Variants in COPG2 observed in about 807,000 individuals in gnomAD.
COPG2 encodes the protein coat protein complex I subunit gamma 2.
Under a neutral mutation model 46.3 loss-of-function variants are expected in COPG2, and 37 were observed. The ratio of observed to expected loss-of-function variants is 0.80; its 90% CI spans 0.61 to 1.05. The LOEUF (loss-of-function observed/expected upper bound fraction) is 1.05. COPG2 is among the 50% of genes least tolerant of loss of function. The pLI is 0.00. For missense variants in COPG2, 427 were observed against 387.8 expected (o/e 1.10, Z -0.85); for synonymous variants, 159 against 129.7 (o/e 1.23, Z -1.53).
intron 9 of COPG2, among the ~76,000 whole-genome samples, chr7:130,601,866 A>AGAAG (rs1160335126): frequency 2.0e-5 from 3 of 148,232 alleles, no homozygotes; most frequent in Non-Finnish European, 4.5e-5. Context: ...AAGGAAGCAA[A>AGAAG]GAAGGAAGGA....
chr7:130,621,547 G>T (rs1285863345), intron 5 of COPG2, among the ~76,000 whole-genome samples: 2 of 152,142 alleles, frequency 1.3e-5, no homozygotes, highest in Non-Finnish European at 2.9e-5. Flanking sequence ...CGGTGCTCAC[G>T]CCTGTAATCC....
chr7:130,664,252 A>C (rs1796032685), intron 3 of COPG2, among the ~76,000 whole-genome samples: 2 of 152,232 alleles, frequency 1.3e-5, no homozygotes, highest in Non-Finnish European at 2.9e-5. Flanking sequence ...TCCACATAAA[A>C]TATAACTAGT....
chr7:130,634,214 G>A (rs75893432), intron 5 of COPG2, among the ~76,000 whole-genome samples: 2 of 152,160 alleles, frequency 1.3e-5, no homozygotes, highest in South Asian at 4.2e-4. Context: ...ATCTTTTTTG[G>A]TTCCATATGA....
At chr7:130,545,733 A>G (rs1793432144) in intron 20 of COPG2, among the ~76,000 whole-genome samples, 1 of 152,200 alleles carries the variant, frequency 6.6e-6, no homozygotes, top group Admixed American at 6.5e-5. Context: ...ACCATCAAGC[A>G]AAAGAGTCCA....
chr7:130,584,742 T>C lies in COPG2; in HGVS notation c.738-20349A>G, dbSNP rs527830731. On this transcript the variant is annotated intron_variant, in intron 9 of 23. Transcript: ENST00000425248. Reference sequence around the variant, plus strand: ...AAAAAAAATAAAATACTTAGGAATATATCTAACCAAGGAGGTGAAAGGCCT... The same window carrying C: ...AAAAAAAATAAAATACTTAGGAATACATCTAACCAAGGAGGTGAAAGGCCT... Among the ~76,000 whole-genome samples, 4 of 152,002 alleles carry C rather than the reference T, an allele frequency of 2.6e-5. No individual in the cohort carries two copies. In the East Asian group the frequency reaches 5.8e-4, roughly 22 times the overall value.
chr7:130,524,871 G>A (rs1383039628), intron 20 of COPG2, among the ~76,000 whole-genome samples: 1 of 152,248 alleles, frequency 6.6e-6, no homozygotes, highest in East Asian at 1.9e-4. Flanking sequence ...GACTGTGTCC[G>A]CCATGGTGGA....
At chr7:130,663,094 G>T in intron 3 of COPG2, 56 bp from the exon 4 acceptor site, 2 of 886,586 alleles carry the variant, frequency 2.3e-6, no homozygotes, top group Non-Finnish European at 3.4e-6. Context: ...TCATATATAT[G>T]TACATATACA....
chr7:130,559,035 T>G (rs1793675931), intron 12 of COPG2, among the ~76,000 whole-genome samples: 1 of 151,996 alleles, frequency 6.6e-6, no homozygotes, highest in African/African-American at 2.4e-5. Context: ...TCAAATAAAA[T>G]AAAAGGTTGG....
intron 15 of COPG2, 32 bp downstream of exon 15, chr7:130,552,323 T>C (rs1319934201): frequency 7.9e-6 from 3 of 381,954 alleles, no homozygotes; most frequent in Non-Finnish European, 1.4e-5. Flanking sequence ...AGAATTCTTA[T>C]TTTTTTTTAG....
At chr7:130,585,076 G>A (rs887367246) in intron 9 of COPG2, among the ~76,000 whole-genome samples, 57 of 152,034 alleles carry the variant, frequency 3.7e-4, no homozygotes, top group African/African-American at 1.3e-3. Context: ...ATACTATAAG[G>A]CCAGAGTCAC....
At chr7:130,525,672 GA>G (rs1402415463) in intron 20 of COPG2, among the ~76,000 whole-genome samples, 2 of 152,192 alleles carry the variant, frequency 1.3e-5, no homozygotes, top group Admixed American at 1.3e-4. Context: ...ACATAGAGAT[GA>G]AATAAAGTAG....
chr7:130,613,956 A>G (rs1563059833), intron 6 of COPG2, among the ~76,000 whole-genome samples: 1 of 152,242 alleles, frequency 6.6e-6, no homozygotes, highest in Non-Finnish European at 1.5e-5. Flanking sequence ...CAGGAAAGTC[A>G]TAAAGAAATT....
intron 9 of COPG2, among the ~76,000 whole-genome samples, chr7:130,583,725 A>C (rs1243695640): frequency 2.1e-5 from 3 of 143,616 alleles, no homozygotes; most frequent in Admixed American, 7.1e-5. Flanking sequence ...GAATCGCTTG[A>C]ATCCCTGGGA....
chr7:130,552,868 T>C (rs1793554217), intron 14 of COPG2, among the ~76,000 whole-genome samples: 1 of 152,222 alleles, frequency 6.6e-6, no homozygotes, highest in African/African-American at 2.4e-5. Flanking sequence ...ATAAAAGACA[T>C]GTCCCTGATC....
intron 6 of COPG2, among the ~76,000 whole-genome samples, chr7:130,614,873 T>C (rs1794920139): frequency 1.3e-5 from 2 of 152,246 alleles, no homozygotes; most frequent in Admixed American, 1.3e-4. Flanking sequence ...TTTGAGGATA[T>C]TGCCTGGGTA....
chr7:130,552,494 T>G, intron 14 of COPG2, 64 bp from the exon 15 acceptor site: 1 of 397,738 alleles, frequency 2.5e-6, no homozygotes, highest in Non-Finnish European at 4.4e-6. Context: ...CAATAACCAT[T>G]TGAAAAAAAA....
intron 12 of COPG2, among the ~76,000 whole-genome samples, chr7:130,557,996 G>A (rs1793659461): frequency 1.3e-5 from 2 of 151,546 alleles, no homozygotes; most frequent in African/African-American, 2.4e-5. Context: ...ACAGACTCAA[G>A]TACATACGCA....
chr7:130,647,386 T>C (rs1795634375), intron 5 of COPG2, among the ~76,000 whole-genome samples: 1 of 152,112 alleles, frequency 6.6e-6, no homozygotes, highest in Non-Finnish European at 1.5e-5. Flanking sequence ...ACAAACTCCA[T>C]GGATATTTTT....
intron 5 of COPG2, among the ~76,000 whole-genome samples, chr7:130,639,152 G>A (rs1795410252): frequency 6.6e-6 from 1 of 152,148 alleles, no homozygotes; most frequent in African/African-American, 2.4e-5. Context: ...CTGGGAGCTG[G>A]AGACCAGAGC....
Sources: gnomAD v4.1 joint callset for allele counts (sites outside exome capture counted in the v4.1 genomes callset) on GRCh38, gnomAD v4.1.1 for gene constraint, MANE v1.5 for transcripts, NCBI Gene and HGNC (gene_info 2026-07-23, HGNC 2026-07-21) for gene names.